The following DSCAM variants were observed in gnomAD, a reference collection of about 807,000 sequenced individuals.
The protein encoded by DSCAM is DS cell adhesion molecule, also known as cell adhesion molecule DSCAM.
In DSCAM, 47 loss-of-function variants were observed where a neutral mutation model predicts 217.7. The ratio of observed to expected loss-of-function variants is 0.22; its 90% CI spans 0.17 to 0.28. The LOEUF (loss-of-function observed/expected upper bound fraction) is 0.28. Ranked by LOEUF, DSCAM falls within the 10% of genes least tolerant of loss-of-function variation. DSCAM has a pLI of 1.00. For synonymous variants in DSCAM, 1,056 were observed against 1,015.3 expected, an observed-to-expected ratio of 1.04 and a Z score of -0.76; for missense variants, 2,080 against 2,618.3, an observed-to-expected ratio of 0.79 and a Z score of 4.49.
At chr21:40,727,813 C>T (rs1273675135) in intron 1 of DSCAM, among the ~76,000 whole-genome samples, 1 of 152,192 alleles carries the variant, frequency 6.6e-6, no homozygotes, top group Non-Finnish European at 1.5e-5. Flanking sequence ...AAAAGCCTAT[C>T]TTCCTACAGG....
intron 3 of DSCAM, among the ~76,000 whole-genome samples, chr21:40,513,652 G>A (rs1045322723): frequency 9.9e-5 from 15 of 152,014 alleles, no homozygotes; most frequent in Non-Finnish European, 7.4e-5. Context: ...TCACAGGGAC[G>A]GCACCAAGCT....
At chr21:40,040,149 A>G (rs1198034042) in intron 32 of DSCAM, among the ~76,000 whole-genome samples, 3 of 152,222 alleles carry the variant, frequency 2.0e-5, no homozygotes, top group African/African-American at 7.2e-5. Context: ...TTCAGTAATA[A>G]TGCAGTCATC....
chr21:40,540,177 C>T (rs2076532395), intron 3 of DSCAM, among the ~76,000 whole-genome samples: 1 of 152,118 alleles, frequency 6.6e-6, no homozygotes, highest in African/African-American at 2.4e-5. Context: ...GCCCGCTCAC[C>T]TCCCCTTCGC....
intron 1 of DSCAM, among the ~76,000 whole-genome samples, chr21:40,817,161 C>T (rs2091887612): frequency 6.6e-6 from 1 of 151,558 alleles, no homozygotes. Context: ...AATTAGGATT[C>T]TCTAAGCCCC....
intron 3 of DSCAM, among the ~76,000 whole-genome samples, chr21:40,479,916 G>T (rs74277159): frequency 6.6e-6 from 1 of 152,082 alleles, no homozygotes; most frequent in Non-Finnish European, 1.5e-5. Flanking sequence ...ATGCATGTAC[G>T]CACACACAAA....
chr21:40,493,230 C>T (rs1490036663), intron 3 of DSCAM, among the ~76,000 whole-genome samples: 1 of 152,082 alleles, frequency 6.6e-6, no homozygotes, highest in African/African-American at 2.4e-5. Context: ...TAAATATTAG[C>T]TTATTATTAG....
At chr21:40,490,694 A>G (rs1039276233) in intron 3 of DSCAM, among the ~76,000 whole-genome samples, 3 of 152,162 alleles carry the variant, frequency 2.0e-5, no homozygotes, top group Non-Finnish European at 4.4e-5. Flanking sequence ...GATGAGGACC[A>G]ATTGTTAATG....
At chr21:40,389,647 G>T (rs1178037815) in intron 3 of DSCAM, among the ~76,000 whole-genome samples, 1 of 152,158 alleles carries the variant, frequency 6.6e-6, no homozygotes, top group Non-Finnish European at 1.5e-5. Context: ...TCAGGTTAAT[G>T]AAAAGAGTGA....
At chr21:40,744,589 C>T (rs1457331703) in intron 1 of DSCAM, among the ~76,000 whole-genome samples, 1 of 152,130 alleles carries the variant, frequency 6.6e-6, no homozygotes. Flanking sequence ...ATAAGTGTTC[C>T]CTAGACTGGG....
At chr21:40,306,135 T>C (rs2123475305) in intron 9 of DSCAM, among the ~76,000 whole-genome samples, 1 of 151,736 alleles carries the variant, frequency 6.6e-6, no homozygotes, top group African/African-American at 2.4e-5. Flanking sequence ...CGGTTTGTAG[T>C]TCTCCTTGAA....
At chr21:40,202,154 A>G (rs949754641) in intron 11 of DSCAM, among the ~76,000 whole-genome samples, 2 of 152,300 alleles carry the variant, frequency 1.3e-5, no homozygotes, top group African/African-American at 4.8e-5. Flanking sequence ...TCTTGGGCCA[A>G]TAGCCTGCCA....
chr21:40,290,191 G>A (rs995902069), intron 10 of DSCAM, among the ~76,000 whole-genome samples: 1 of 152,032 alleles, frequency 6.6e-6, no homozygotes, highest in Non-Finnish European at 1.5e-5. Flanking sequence ...AATTAAAGCA[G>A]GGAAGAGAAC....
intron 1 of DSCAM, among the ~76,000 whole-genome samples, chr21:40,758,558 C>T (rs1036738304): frequency 6.7e-6 from 1 of 149,376 alleles, no homozygotes; most frequent in Non-Finnish European, 1.5e-5. Flanking sequence ...ATACAGAGGA[C>T]AGGAGGTGTG....
At chr21:40,693,000 G>T in intron 2 of DSCAM, 44 bp from the exon 3 acceptor site, 3 of 1,580,148 alleles carry the variant, frequency 1.9e-6, no homozygotes, top group Non-Finnish European at 2.6e-6. Context: ...ACGGTCAACA[G>T]GCTCATTCTG....
intron 3 of DSCAM, among the ~76,000 whole-genome samples, chr21:40,652,978 T>C (rs1326395209): frequency 6.6e-6 from 1 of 152,156 alleles, no homozygotes; most frequent in Non-Finnish European, 1.5e-5. Context: ...CCAAGGCTTG[T>C]ATGAGCTCCC....
intron 32 of DSCAM, among the ~76,000 whole-genome samples, chr21:40,033,818 G>A (rs867107814): frequency 2.3e-4 from 34 of 149,910 alleles, no homozygotes; most frequent in African/African-American, 7.0e-4. Context: ...CTCCCAGTAC[G>A]CAGCTGGACA....
In DSCAM at chr21:40,095,722, G is replaced by A. The variant is rs563973253; in HGVS notation, c.3697-1848C>T. On this transcript the variant is annotated intron_variant, in intron 20 of 32. Coordinates refer to ENST00000400454, the MANE Select transcript of DSCAM (RefSeq NM_001389.5). ...ATAAAGCTGTCATAAAAATTTCCAG[G>A]AAAACATAATTCATAAGAAGAAATC... Among the ~76,000 whole-genome samples the A allele has an allele frequency of 3.3e-5, 5 of 152,190 alleles. No individual in the cohort carries two copies. In the East Asian group the frequency reaches 7.7e-4, roughly 23 times the overall value.
At chr21:40,432,422 G>A (rs1013270680) in intron 3 of DSCAM, among the ~76,000 whole-genome samples, 1 of 151,808 alleles carries the variant, frequency 6.6e-6, no homozygotes, top group Non-Finnish European at 1.5e-5. Flanking sequence ...TCCCACTTCG[G>A]CCCTCCAGCC....
At chr21:40,566,394 A>G (rs73902683) in intron 3 of DSCAM, among the ~76,000 whole-genome samples, 6,974 of 152,282 alleles carry the variant, frequency 0.046, 544 homozygotes, top group African/African-American at 0.16. Flanking sequence ...ACTCTGCCAG[A>G]CATTGCTGAA....
Sources: allele counts gnomAD v4.1 joint callset (sites outside exome capture counted in the v4.1 genomes callset), GRCh38; gene constraint gnomAD v4.1.1; transcripts MANE v1.5; gene names NCBI Gene and HGNC (gene_info 2026-07-23, HGNC 2026-07-21).